Variants in CHD9 observed in about 807,000 individuals in gnomAD.
The protein encoded by CHD9 is chromodomain helicase DNA binding protein 9.
CHD9 carries 77 observed loss-of-function variants against 316.1 expected under a neutral mutation model. That is an observed-to-expected ratio of 0.24 (90% CI 0.20 to 0.29). The LOEUF is 0.29. Among genes scored for constraint, CHD9 ranks in the 10% least tolerant of loss-of-function variants. CHD9 has a pLI of 1.00. For synonymous variants in CHD9, 1,129 were observed against 1,158.3 expected (o/e 0.97, Z 0.51); for missense variants, 2,763 against 3,438.1 (o/e 0.80, Z 4.91).
chr16:53,270,510 A>G (rs757121293), intron 22 of CHD9, among the ~76,000 whole-genome samples: 1 of 152,156 alleles, frequency 6.6e-6, no homozygotes, highest in Non-Finnish European at 1.5e-5. Flanking sequence ...TACCGTTGAT[A>G]TTTATGAATG....
rs187488286 is a variant in CHD9, at chr16:53,218,013, A to T, written c.1785-4631A>T. ...TTTTAAAATCTAATTTTAAAATGCC[A>T]CCCAAATTAACCCAGAATTGTATCA... On this transcript the variant is annotated intron_variant, in intron 3 of 38. Coordinates refer to ENST00000447540, the MANE Select transcript of CHD9 (RefSeq NM_001308319.2). Among the ~76,000 whole-genome samples, 455 of 151,106 alleles carry T rather than the reference A, an allele frequency of 3.0e-3. 2 individuals carry two copies. Among genetic ancestry groups the T allele is most frequent in the African/African-American group, 0.011 (438 of 41,156 alleles).
At chr16:53,087,313 C>T (rs887176210) in intron 1 of CHD9, among the ~76,000 whole-genome samples, 4 of 152,092 alleles carry the variant, frequency 2.6e-5, no homozygotes, top group Admixed American at 2.0e-4. Flanking sequence ...CAGAGAACAC[C>T]GGTGAATTAT....
At chr16:53,143,102 A>G (rs1283114176) in intron 1 of CHD9, among the ~76,000 whole-genome samples, 1 of 152,102 alleles carries the variant, frequency 6.6e-6, no homozygotes, top group Non-Finnish European at 1.5e-5. Context: ...CTCATGACCT[A>G]ATCACCTGTT....
chr16:53,289,303 C>A (rs2153048325), intron 27 of CHD9, among the ~76,000 whole-genome samples: 1 of 152,148 alleles, frequency 6.6e-6, no homozygotes, highest in East Asian at 1.9e-4. Flanking sequence ...CGCCTGTAAT[C>A]CCAGCACTTT....
intron 2 of CHD9, among the ~76,000 whole-genome samples, chr16:53,189,412 G>A (rs1009598230): frequency 1.3e-5 from 2 of 151,592 alleles, no homozygotes; most frequent in East Asian, 3.9e-4. Context: ...TTTCTTCATC[G>A]CATTTAGTTT....
rs779000489 is a variant in CHD9 at position 53,273,689 on chromosome 16, T to C, written c.4781T>C (p.Phe1594Ser). 5.0e-6 allele frequency: 8 copies of C among 1,613,210 alleles called. No homozygotes were observed. The highest frequency in any genetic ancestry group is 2.2e-5 in the East Asian group (1 of 44,828). The change falls in exon 23 of 39, where the codon TTT becomes TCT. Residue 1594 changes from phenylalanine to serine, a missense_variant. Phe to Ser is a radical substitution (Grantham distance 155). Coordinates refer to ENST00000447540, the MANE Select transcript of CHD9 (RefSeq NM_001308319.2). The part of the protein sequence containing the change: ...GKKVKTQTSS[F>S]DIQKAEWLRK... ...AAAGTAAAAACTCAAACAAGCTCAT[T>C]TGATATACAAAAAGCAGAATGGCTT...
At chr16:53,197,624 T>C (rs1481348505) in intron 2 of CHD9, among the ~76,000 whole-genome samples, 1 of 152,098 alleles carries the variant, frequency 6.6e-6, no homozygotes, top group East Asian at 1.9e-4. Flanking sequence ...AAGCAGCCTG[T>C]CTAGTTCAAC....
At chr16:53,096,841 T>C (rs1477948999) in intron 1 of CHD9, among the ~76,000 whole-genome samples, 1 of 152,042 alleles carries the variant, frequency 6.6e-6, no homozygotes, top group East Asian at 1.9e-4. Context: ...AGTACTAAGG[T>C]GGTCCAAGGT....
intron 1 of CHD9, among the ~76,000 whole-genome samples, chr16:53,111,665 T>G (rs956120784): frequency 3.9e-5 from 6 of 152,224 alleles, no homozygotes; most frequent in Non-Finnish European, 5.9e-5. Context: ...CAATAGCTTG[T>G]ATTGGGGAAT....
At chr16:53,161,696 C>G (rs2041922830) in intron 2 of CHD9, among the ~76,000 whole-genome samples, 1 of 152,178 alleles carries the variant, frequency 6.6e-6, no homozygotes, top group Admixed American at 6.5e-5. Context: ...ATTTAGAATT[C>G]TAGAACGCTT....
At chr16:53,138,293 A>G (rs1487203469) in intron 1 of CHD9, among the ~76,000 whole-genome samples, 2 of 152,214 alleles carry the variant, frequency 1.3e-5, no homozygotes, top group Non-Finnish European at 2.9e-5. Context: ...AATTTGTAGT[A>G]TTCTAAGAAA....
chr16:53,055,647 C>T (rs187231722), intron 1 of CHD9, among the ~76,000 whole-genome samples: 276 of 152,264 alleles, frequency 1.8e-3, no homozygotes, highest in Non-Finnish European at 3.4e-3. Context: ...TTTGTTCTAA[C>T]CCAGAATGCT....
chr16:53,115,275 T>C (rs528438595), intron 1 of CHD9, among the ~76,000 whole-genome samples: 1 of 152,304 alleles, frequency 6.6e-6, no homozygotes, highest in East Asian at 1.9e-4. Context: ...GGTAGCCAGG[T>C]AATTATTCAG....
Position 53,172,968 on chromosome 16 carries a change from CA to C in CHD9, c.1452+15428del, listed in dbSNP as rs555707397. Among the ~76,000 whole-genome samples, 185 of 152,028 alleles carry C rather than the reference CA, an allele frequency of 1.2e-3. 1 individual carries two copies. The highest frequency in any genetic ancestry group is 4.2e-3 in the African/African-American group (173 of 41,498). ...GGGTTGCCTTTTTTTTTCTTAACAG[CA>C]TGTTTTGAAGGGCAAAAGTTGTTAA... On this transcript the variant is annotated intron_variant, in intron 2 of 38. Transcript: ENST00000447540.
chr16:53,120,794 C>T (rs8050063), intron 1 of CHD9, among the ~76,000 whole-genome samples: 35,164 of 151,962 alleles, frequency 0.23, 4,514 homozygotes, highest in Middle Eastern at 0.35. Context: ...CACTTGAGGC[C>T]AGGAGTTTGA....
At chr16:53,057,641 C>T (rs1259312949) in intron 1 of CHD9, among the ~76,000 whole-genome samples, 3 of 149,110 alleles carry the variant, frequency 2.0e-5, no homozygotes, top group African/African-American at 7.4e-5. Flanking sequence ...GCAACAACAG[C>T]GAAACTCCAT....
intron 1 of CHD9, among the ~76,000 whole-genome samples, chr16:53,095,223 T>G (rs1411133568): frequency 6.6e-6 from 1 of 152,184 alleles, no homozygotes; most frequent in Non-Finnish European, 1.5e-5. Context: ...AAAGCCATAT[T>G]GTTTAGATTT....
chr16:53,297,843 A>G (rs775247422), intron 30 of CHD9, among the ~76,000 whole-genome samples: 14 of 152,210 alleles, frequency 9.2e-5, no homozygotes, highest in Non-Finnish European at 1.6e-4. Context: ...GTATTTCCTA[A>G]CAGATTTTTT....
chr16:53,111,494 C>A (rs1039314215), intron 1 of CHD9, among the ~76,000 whole-genome samples: 16 of 152,208 alleles, frequency 1.1e-4, no homozygotes, highest in African/African-American at 3.9e-4. Context: ...CAGAGGTTTG[C>A]AAATTCTTTG....
Sources: gnomAD v4.1 joint callset for allele counts (sites outside exome capture counted in the v4.1 genomes callset) on GRCh38, gnomAD v4.1.1 for gene constraint, MANE v1.5 for transcripts, NCBI Gene and HGNC (gene_info 2026-07-23, HGNC 2026-07-21) for gene names.